The following CDK5RAP2 variants were observed in gnomAD, a reference collection of about 807,000 sequenced individuals.
CDK5RAP2 encodes the protein CDK5 regulatory subunit-associated protein 2.
Under a neutral mutation model 232.9 loss-of-function variants are expected in CDK5RAP2, and 147 were observed. The ratio of observed to expected loss-of-function variants is 0.63; its 90% confidence interval spans 0.55 to 0.72. The LOEUF is 0.72. CDK5RAP2 is among the 30% of genes least tolerant of loss of function. The probability of loss-of-function intolerance (pLI) is 0.00; values close to 1 mark genes in which losing one functional copy is unlikely to be tolerated. For missense variants in CDK5RAP2, 2,195 were observed against 2,231.5 expected (o/e 0.98, Z 0.33); for synonymous variants, 833 against 833.7 (o/e 1.00, Z 0.01).
chr9:120,434,516 C>T (rs1039085472), intron 25 of CDK5RAP2, among the ~76,000 whole-genome samples: 1 of 152,130 alleles, frequency 6.6e-6, no homozygotes, highest in Admixed American at 6.6e-5. Flanking sequence ...GTGGAAAATG[C>T]ACTACAGTGA....
At position 120,403,314 on chromosome 9, in the gene CDK5RAP2, A is replaced by AAT. The variant is rs2131276394; in HGVS notation, c.5042-244_5042-243insAT. 3 of 511,202 alleles carry AAT rather than the reference A, an allele frequency of 5.9e-6. No homozygotes were observed. The East Asian group carries it at 1.1e-4, about 18-fold the overall frequency. 31.7% of individuals were successfully genotyped at this position (511,202 alleles called of 1,614,324 possible). ...CTCAACCAACACTTATCAACCACCC[A>AAT]CTCGGCAGAAGACCCCAGATTCACA... is the stretch of plus-strand genomic sequence containing the variant. On this transcript the variant is annotated intron_variant, in intron 33 of 37. Coordinates refer to ENST00000349780, the MANE Select transcript of CDK5RAP2 (RefSeq NM_018249.6). The surrounding 1 kb of genome is among the most constrained non-coding windows in gnomAD (Gnocchi z 4.2).
intron 35 of CDK5RAP2, among the ~76,000 whole-genome samples, chr9:120,399,834 T>C (rs953780163): frequency 6.6e-6 from 1 of 152,200 alleles, no homozygotes; most frequent in African/African-American, 2.4e-5. Context: ...ATCCAAACTT[T>C]GTCCCCAGGA....
intron 7 of CDK5RAP2, among the ~76,000 whole-genome samples, chr9:120,530,947 G>T (rs549434807): frequency 3.3e-5 from 5 of 151,476 alleles, no homozygotes; most frequent in African/African-American, 9.7e-5. Flanking sequence ...CATGGCACAT[G>T]TATACATATG....
At chr9:120,474,315 T>A (rs1296226959) in intron 15 of CDK5RAP2, among the ~76,000 whole-genome samples, 1 of 152,216 alleles carries the variant, frequency 6.6e-6, no homozygotes. Flanking sequence ...ACAGCAATGA[T>A]AATCATCTGG....
chr9:120,413,812 AGGGAG>A (rs1323301987), intron 28 of CDK5RAP2, among the ~76,000 whole-genome samples: 1 of 107,110 alleles, frequency 9.3e-6, no homozygotes. Context: ...GTGAGCGAGG[AGGGAG>A]GAGGGAGGAG....
Position 120,469,996 on chromosome 9 carries a change from G to T in CDK5RAP2, c.1968+115C>A, listed in dbSNP as rs945903157. 6 of 653,610 alleles carry T rather than the reference G, an allele frequency of 9.2e-6. No individual in the cohort carries two copies. The South Asian group carries it at 1.0e-4, about 11-fold the overall frequency. The allele number at this position is 653,610 out of a possible 1,614,324, so 40.5% of individuals were successfully genotyped here. On this transcript the variant is annotated intron_variant, in intron 17 of 37. Coordinates refer to ENST00000349780, the MANE Select transcript of CDK5RAP2 (RefSeq NM_018249.6). The stretch of plus-strand genomic sequence containing the variant: ...GGGGCACACACAACAAGGCAGAGGG[G>T]ACAGGAAGGAAGGAGAGAGGCCTTC...
chr9:120,404,917 C>T (rs2033331046), intron 32 of CDK5RAP2, among the ~76,000 whole-genome samples: 1 of 152,178 alleles, frequency 6.6e-6, no homozygotes, highest in Non-Finnish European at 1.5e-5. Context: ...CTCAATAGCT[C>T]AGTGGGCAAA....
At chr9:120,579,356 C>T (rs1279384415) in intron 1 of CDK5RAP2, among the ~76,000 whole-genome samples, 1 of 152,230 alleles carries the variant, frequency 6.6e-6, no homozygotes, top group East Asian at 1.9e-4. Context: ...GCCCATTTTA[C>T]AGATGGGAAA....
chr9:120,545,798 A>G lies in CDK5RAP2; in HGVS notation c.307-8T>C, dbSNP rs1439065281. ...CACCTTGAGCTCAATGTTCTACAAA[A>G]CAAGATTAAGAAAGAAAAGAAACAA... On this transcript the variant is annotated splice_region_variant and splice_polypyrimidine_tract_variant and intron_variant, in intron 4 of 37. Coordinates refer to ENST00000349780, the MANE Select transcript of CDK5RAP2 (RefSeq NM_018249.6). 1 of 1,609,906 alleles carries G rather than the reference A, an allele frequency of 6.2e-7. No homozygotes were observed. The highest frequency in any genetic ancestry group is 8.5e-7 in the Non-Finnish European group (1 of 1,176,256).
intron 36 of CDK5RAP2, 22 bp downstream of exon 36, chr9:120,394,490 G>A (rs373083579): frequency 3.4e-5 from 55 of 1,613,900 alleles, no homozygotes; most frequent in African/African-American, 2.5e-4. Context: ...CAGGCATAGC[G>A]GCCACCCCCA....
chr9:120,435,684 G>C (rs1035727864), intron 25 of CDK5RAP2, among the ~76,000 whole-genome samples: 2 of 151,996 alleles, frequency 1.3e-5, no homozygotes, highest in African/African-American at 4.8e-5. Flanking sequence ...AGAAAGTAAG[G>C]ACGTACTCCC....
At chr9:120,516,500 A>C (rs1454328799) in intron 12 of CDK5RAP2, among the ~76,000 whole-genome samples, 5 of 152,114 alleles carry the variant, frequency 3.3e-5, no homozygotes, top group Admixed American at 3.3e-4. Flanking sequence ...CATGTACCCT[A>C]AAACTTAAAG....
rs148686263 is a variant in CDK5RAP2 at position 120,451,357 on chromosome 9, C to T, written c.2793+2099G>A. Among the ~76,000 whole-genome samples, 12 of 152,260 alleles carry T rather than the reference C, an allele frequency of 7.9e-5. No homozygotes were observed. In the East Asian group the frequency reaches 1.9e-3, roughly 24 times the overall value. On this transcript the variant is annotated intron_variant, in intron 21 of 37. Transcript: ENST00000349780. The stretch of plus-strand genomic sequence containing the variant: ...GCTCAAAGCAGGTAAGTGGCCAGGC[C>T]GGATGCAAACACATGTATATCAGTA...
At chr9:120,460,891 G>T in intron 18 of CDK5RAP2, 1 of 684,502 alleles carries the variant, frequency 1.5e-6, no homozygotes, top group Non-Finnish European at 2.4e-6. Flanking sequence ...ATAATTTAAG[G>T]ACAAATTCCC....
At chr9:120,418,646 C>T (rs146032625) in intron 27 of CDK5RAP2, among the ~76,000 whole-genome samples, 3 of 152,288 alleles carry the variant, frequency 2.0e-5, no homozygotes, top group Non-Finnish European at 2.9e-5. Context: ...CCAAGAAAAA[C>T]CAAGTACTCA....
At chr9:120,482,279 G>C (rs1462468469) in intron 14 of CDK5RAP2, among the ~76,000 whole-genome samples, 3 of 152,220 alleles carry the variant, frequency 2.0e-5, no homozygotes, top group African/African-American at 4.8e-5. Flanking sequence ...CTTAGTCCTA[G>C]AGGAGGACAG....
intron 3 of CDK5RAP2, 137 bp downstream of exon 3, chr9:120,568,184 T>C (rs1384310928): frequency 2.7e-6 from 2 of 753,460 alleles, no homozygotes; most frequent in African/African-American, 3.4e-5. Context: ...TCACAGAAGA[T>C]GTCCATGAGA....
chr9:120,475,741 T>C (rs1238059407), intron 15 of CDK5RAP2, among the ~76,000 whole-genome samples: 1 of 152,102 alleles, frequency 6.6e-6, no homozygotes, highest in African/African-American at 2.4e-5. Flanking sequence ...TATGAAAAAA[T>C]CTGGAAATTA....
At chr9:120,454,390 T>C (rs1397017282) in intron 20 of CDK5RAP2, among the ~76,000 whole-genome samples, 1 of 152,246 alleles carries the variant, frequency 6.6e-6, no homozygotes, top group Non-Finnish European at 1.5e-5. Context: ...AAGGGATATT[T>C]GTACACAGGC....
Sources: gnomAD v4.1 joint callset for allele counts (sites outside exome capture counted in the v4.1 genomes callset) on GRCh38, gnomAD v4.1.1 for gene constraint, Gnocchi (gnomAD v3.1) non-coding constraint, MANE v1.5 for transcripts, NCBI Gene and HGNC (gene_info 2026-07-23, HGNC 2026-07-21) for gene names.